The following MXI1 variants were observed in gnomAD, a reference collection of about 807,000 sequenced individuals.
The protein encoded by MXI1 is MAX interactor 1, dimerization protein.
A neutral mutation model predicts 36.9 loss-of-function variants in MXI1; 18 were observed. The observed-to-expected ratio is 0.49, with a 90% CI of 0.34 to 0.72. The LOEUF (loss-of-function observed/expected upper bound fraction) is 0.72, where lower values mean the gene tolerates loss of function less well. Among genes scored for constraint, MXI1 ranks in the 30% least tolerant of loss-of-function variants. The pLI, the probability that MXI1 is intolerant of heterozygous loss-of-function variation, is 0.01. For missense variants in MXI1, 304 were observed against 379.1 expected (o/e 0.80, Z 1.64); for synonymous variants, 160 against 146.7 (o/e 1.09, Z -0.65).
chr10:110,207,991 G>C lies in MXI1; in HGVS notation c.183G>C (p.Ser61=), dbSNP rs769261139. 6 of 1,602,240 alleles carry C rather than the reference G, an allele frequency of 3.7e-6. No individual in the cohort carries two copies. The South Asian group carries it at 5.6e-5, about 15-fold the overall frequency. ...ACATTTTCAACACCAGCGAGAACTC[G>C]ATGGAGAAGCACATCAACACTTTTC... ...FSDIFNTSEN[S]MEKHINTFLQ... The change falls in exon 1 of 6, where the codon TCG becomes TCC. Residue 61 remains serine (S), a synonymous_variant. Transcript: ENST00000332674.
rs1179633055 is a variant in MXI1 at position 110,247,613 on chromosome 10, A to G, written c.437+2756A>G. Among the ~76,000 whole-genome samples, 5 of 152,328 alleles carry G rather than the reference A, an allele frequency of 3.3e-5. 1 individual carries two copies. In the South Asian group the frequency reaches 8.3e-4, roughly 25 times the overall value. ...TTCAGCTTTCTACATATGGCTAGCCATCAGAGAAATGCAAATCAAAACCAC... is the reference window on the plus strand; with the variant it reads ...TTCAGCTTTCTACATATGGCTAGCCGTCAGAGAAATGCAAATCAAAACCAC... On this transcript the variant is annotated intron_variant, in intron 3 of 5. Coordinates refer to ENST00000332674, the MANE Select transcript of MXI1 (RefSeq NM_130439.3).
chr10:110,213,346 AATGTCTACT>A (rs1854554171), intron 1 of MXI1, among the ~76,000 whole-genome samples: 1 of 152,150 alleles, frequency 6.6e-6, no homozygotes, highest in South Asian at 2.1e-4. Flanking sequence ...ATGTACATTG[AATGTCTACT>A]ATGTGCAGAT....
At position 110,285,915 on chromosome 10, in the gene MXI1, A is replaced by T. The variant is rs1160324369; in HGVS notation, c.*928A>T. The T allele has an allele frequency of 6.6e-6, 1 of 152,574 alleles. No individual in the cohort carries two copies. The highest frequency in any genetic ancestry group is 1.5e-5 in the Non-Finnish European group (1 of 68,034). The allele number at this position is 152,574 out of a possible 1,614,324, so 9.5% of individuals were successfully genotyped here. On this transcript the variant is annotated 3_prime_UTR_variant, in exon 6 of 6. Transcript: ENST00000332674. ...TGATAACTGTTTATATGTGTTGAAA[A>T]CCAAAATGACATCTTTTTAAAGCTT...
rs1248837141 is a variant in MXI1, at chr10:110,287,271, G to A, written c.*2284G>A. The A allele has an allele frequency of 2.0e-5, 3 of 152,162 alleles. No individual in the cohort carries two copies. The allele number at this position is 152,162 out of a possible 1,614,324, so 9.4% of individuals were successfully genotyped here. A position where few individuals can be genotyped will look rare whatever the true frequency, so the allele number is the denominator to read the frequency against. On this transcript the variant is annotated 3_prime_UTR_variant, in exon 6 of 6. Coordinates refer to ENST00000332674, the MANE Select transcript of MXI1 (RefSeq NM_130439.3). ...GGTTTGTTTTCCTTGGGGTGGTGTA[G>A]ATTGTATGAGTAAGAAGTATTAATT...
intron 3 of MXI1, among the ~76,000 whole-genome samples, chr10:110,275,055 A>G (rs1856982475): frequency 6.7e-6 from 1 of 148,954 alleles, no homozygotes; most frequent in Admixed American, 6.6e-5. Flanking sequence ...TTGTATTTTT[A>G]GTAGACACAG....
rs556736528 is a variant in MXI1, at chr10:110,228,465, G to T, written c.407+144G>T. The T allele has an allele frequency of 3.1e-5, 31 of 993,052 alleles. No homozygotes were observed. In the African/African-American group the frequency reaches 4.9e-4, roughly 16 times the overall value. The allele number at this position is 993,052 out of a possible 1,614,324, so 61.5% of individuals were successfully genotyped here. Reference sequence around the variant, plus strand: ...GGCCCTTTTAAAATAATGAAGTCTAGAAATCATAACCTGGTTTTGCATGGA... The same window carrying T: ...GGCCCTTTTAAAATAATGAAGTCTATAAATCATAACCTGGTTTTGCATGGA... On this transcript the variant is annotated intron_variant, in intron 2 of 5. Coordinates refer to ENST00000332674, the MANE Select transcript of MXI1 (RefSeq NM_130439.3).
intron 1 of MXI1, among the ~76,000 whole-genome samples, chr10:110,209,123 C>T (rs1854441974): frequency 6.6e-6 from 1 of 152,026 alleles, no homozygotes; most frequent in African/African-American, 2.4e-5. Context: ...GCCAGGTCAC[C>T]CAGCTTTCCC....
chr10:110,277,792 A>G (rs2134466793), intron 3 of MXI1, among the ~76,000 whole-genome samples: 1 of 152,354 alleles, frequency 6.6e-6, no homozygotes, highest in East Asian at 1.9e-4. Context: ...ATCTTAATTC[A>G]TTAGCCAAAC....
intron 4 of MXI1, among the ~76,000 whole-genome samples, chr10:110,279,547 C>CGGAA (rs1554859783): frequency 2.0e-5 from 3 of 152,128 alleles, no homozygotes; most frequent in Non-Finnish European, 2.9e-5. Flanking sequence ...TCTTCATACT[C>CGGAA]GGAAGGCAGT....
chr10:110,280,025 C>T lies in MXI1; in HGVS notation c.664C>T (p.Arg222Ter), dbSNP rs778726038. 7 of 1,607,504 alleles carry T rather than the reference C, an allele frequency of 4.4e-6. No homozygotes were observed. Among genetic ancestry groups the T allele is most frequent in the African/African-American group, 1.3e-5 (1 of 74,778 alleles). ...GCTGCAGGGTCCTCAGGAGATGGAA[C>T]GAATACGAATGGACAGCATTGGATC... is the stretch of plus-strand genomic sequence containing the variant. ...EQLQGPQEME[R>*]IRMDSIGSTI... is the part of the protein sequence containing the mutation. The change falls in exon 5 of 6, where the codon CGA (arginine) becomes TGA (stop). Residue 222 changes from arginine (R) to a stop codon, truncating the protein, a stop_gained. Coordinates refer to ENST00000332674, the MANE Select transcript of MXI1 (RefSeq NM_130439.3). LOFTEE classifies it high-confidence loss of function.
At chr10:110,248,789 G>T (rs1260265758) in intron 3 of MXI1, among the ~76,000 whole-genome samples, 1 of 151,854 alleles carries the variant, frequency 6.6e-6, no homozygotes, top group South Asian at 2.1e-4. Context: ...ATTCCCTGAG[G>T]CTTCATTGAA....
chr10:110,248,088 C>T (rs1290961591), intron 3 of MXI1, among the ~76,000 whole-genome samples: 2 of 152,104 alleles, frequency 1.3e-5, no homozygotes, highest in Non-Finnish European at 2.9e-5. Context: ...AGCAAACTAT[C>T]GCAAGGACAA....
At chr10:110,217,335 T>C (rs749005898) in intron 1 of MXI1, among the ~76,000 whole-genome samples, 1 of 152,234 alleles carries the variant, frequency 6.6e-6, no homozygotes. Flanking sequence ...TTGAAATTTC[T>C]TTTTCTGTGT....
chr10:110,234,228 T>G (rs1167806590), intron 2 of MXI1, among the ~76,000 whole-genome samples: 2 of 152,184 alleles, frequency 1.3e-5, no homozygotes, highest in Non-Finnish European at 2.9e-5. Flanking sequence ...GAACATTGCC[T>G]GCTTTTGAAT....
At chr10:110,228,806 A>C (rs992815569) in intron 2 of MXI1, among the ~76,000 whole-genome samples, 1 of 152,234 alleles carries the variant, frequency 6.6e-6, no homozygotes, top group African/African-American at 2.4e-5. Context: ...CCATGCTGTG[A>C]AAGTTTTGCC....
chr10:110,228,374 C>G, intron 2 of MXI1, 53 bp downstream of exon 2: 1 of 1,606,960 alleles, frequency 6.2e-7, no homozygotes, highest in Non-Finnish European at 8.5e-7. Flanking sequence ...GAGCACATTT[C>G]TCCTGTAATC....
intron 4 of MXI1, 83 bp downstream of exon 4, chr10:110,279,377 G>T: frequency 8.6e-7 from 1 of 1,165,632 alleles, no homozygotes; most frequent in Non-Finnish European, 1.3e-6. Flanking sequence ...ATATACATCA[G>T]CTAGTTCACC....
intron 3 of MXI1, among the ~76,000 whole-genome samples, chr10:110,271,640 G>A (rs2134451790): frequency 6.6e-6 from 1 of 152,240 alleles, no homozygotes; most frequent in South Asian, 2.1e-4. Flanking sequence ...TTATGGAAGA[G>A]GTTTGCAAGG....
chr10:110,256,640 A>G (rs925308620), intron 3 of MXI1, among the ~76,000 whole-genome samples: 71 of 151,190 alleles, frequency 4.7e-4, no homozygotes, highest in Admixed American at 4.6e-3. Flanking sequence ...GAAATGGCCA[A>G]TATACATGTG....
Sources: gnomAD v4.1 joint callset for allele counts (sites outside exome capture counted in the v4.1 genomes callset) on GRCh38, gnomAD v4.1.1 for gene constraint, MANE v1.5 for transcripts, NCBI Gene and HGNC (gene_info 2026-07-23, HGNC 2026-07-21) for gene names.